SARDH: variants seen among roughly 807,000 people sequenced by gnomAD.
SARDH encodes sarcosine dehydrogenase, mitochondrial.
In SARDH, 95 loss-of-function variants were observed where a neutral mutation model predicts 109.1. The observed-to-expected ratio is 0.87, with a 90% confidence interval of 0.74 to 1.03. The LOEUF (loss-of-function observed/expected upper bound fraction) is 1.03. SARDH is among the 50% of genes least tolerant of loss of function. The pLI, the probability that SARDH is intolerant of heterozygous loss-of-function variation, is 0.00. For synonymous variants in SARDH, 572 were observed against 534.8 expected, an observed-to-expected ratio of 1.07 and a Z score of -0.96; for missense variants, 1,267 against 1,287.8, an observed-to-expected ratio of 0.98 and a Z score of 0.25.
chr9:133,661,213 C>T (rs1165701186), downstream of SARDH, among the ~76,000 whole-genome samples: 2 of 151,686 alleles, frequency 1.3e-5, no homozygotes, highest in East Asian at 2.0e-4. Flanking sequence ...TGGTGGTGCG[C>T]GTTTGTAATC....
chr9:133,738,020 C>G (rs1398908511), intron 1 of SARDH, among the ~76,000 whole-genome samples: 1 of 152,178 alleles, frequency 6.6e-6, no homozygotes, highest in African/African-American at 2.4e-5. Flanking sequence ...GGGGGTCAAG[C>G]GAGGAGAGCG....
At chr9:133,661,503 CAG>C (rs1460352437), downstream of SARDH, among the ~76,000 whole-genome samples, 6 of 151,826 alleles carry the variant, frequency 4.0e-5, no homozygotes, top group South Asian at 1.0e-3. Context: ...GTTTTTGAGA[CAG>C]AGTTTCCCTC....
chr9:133,672,956 G>T (rs1028916022), intron 17 of SARDH, among the ~76,000 whole-genome samples: 1 of 152,240 alleles, frequency 6.6e-6, no homozygotes, highest in African/African-American at 2.4e-5. Flanking sequence ...TGACAGTGCC[G>T]ATTATCGGGT....
At chr9:133,707,072 C>A (rs896541734) in intron 11 of SARDH, among the ~76,000 whole-genome samples, 3 of 152,188 alleles carry the variant, frequency 2.0e-5, no homozygotes, top group Non-Finnish European at 4.4e-5. Flanking sequence ...TAAAAGAGGG[C>A]AGGCTCCCCT....
At chr9:133,719,656 T>C (rs1404395148) in intron 6 of SARDH, among the ~76,000 whole-genome samples, 1 of 111,138 alleles carries the variant, frequency 9.0e-6, no homozygotes, top group African/African-American at 3.5e-5. Flanking sequence ...CAGGAGCAGA[T>C]TGGAGACTCT....
At chr9:133,659,776 A>T (rs1832387954), downstream of SARDH, among the ~76,000 whole-genome samples, 1 of 152,094 alleles carries the variant, frequency 6.6e-6, no homozygotes. Context: ...GTGAAATGCC[A>T]GGCCCCAGCC....
intron 17 of SARDH, among the ~76,000 whole-genome samples, chr9:133,683,122 C>T (rs1830758178): frequency 6.6e-6 from 1 of 152,224 alleles, no homozygotes; most frequent in South Asian, 2.1e-4. Context: ...AGCACCTGGC[C>T]TGGCCTGGCT....
At chr9:133,680,710 C>T (rs566077325) in intron 17 of SARDH, among the ~76,000 whole-genome samples, 1 of 152,354 alleles carries the variant, frequency 6.6e-6, no homozygotes, top group Admixed American at 6.5e-5. Flanking sequence ...CAACTTCAAG[C>T]TCCTGAGGGC....
At chr9:133,667,679 G>A (rs747007905) in intron 19 of SARDH, among the ~76,000 whole-genome samples, 4 of 152,084 alleles carry the variant, frequency 2.6e-5, no homozygotes, top group Non-Finnish European at 5.9e-5. Flanking sequence ...GGGTTATCAC[G>A]GCGGCAGCTA....
intron 13 of SARDH, among the ~76,000 whole-genome samples, chr9:133,699,457 G>A (rs1831403808): frequency 6.6e-6 from 1 of 151,866 alleles, no homozygotes. Context: ...AGTGAGCCGA[G>A]ATCACACCAT....
intron 17 of SARDH, among the ~76,000 whole-genome samples, chr9:133,673,496 G>A (rs1299124786): frequency 1.3e-5 from 2 of 152,242 alleles, no homozygotes; most frequent in Non-Finnish European, 2.9e-5. Flanking sequence ...GGCAGAGGCC[G>A]CTCTCCCAAC....
rs753275981 is a variant in SARDH at position 133,718,637 on chromosome 9, A to T, written c.1020+301T>A. 1 of 777,018 alleles carries T rather than the reference A, an allele frequency of 1.3e-6. No homozygotes were observed. Among genetic ancestry groups the T allele is most frequent in the Non-Finnish European group, 2.4e-6 (1 of 416,744 alleles). The allele number at this position is 777,018 out of a possible 1,614,324, so 48.1% of individuals were successfully genotyped here. A position where few individuals can be genotyped will look rare whatever the true frequency, so the allele number is the denominator to read the frequency against. On this transcript the variant is annotated intron_variant, in intron 7 of 20. Coordinates refer to ENST00000439388, the MANE Select transcript of SARDH (RefSeq NM_001134707.2). This position sits in a 1 kb window ranked among gnomAD's most constrained non-coding sequence, Gnocchi z 4.2. ...TTGGGAGGGCAGTGTCATTTGCTGA[A>T]GGACGTAGGACTTGTGTGCTCTCAT... is the stretch of plus-strand genomic sequence containing the variant.
At chr9:133,685,327 C>T (rs769037548) in intron 16 of SARDH, 41 bp from the exon 17 acceptor site, 7 of 1,574,210 alleles carry the variant, frequency 4.4e-6, no homozygotes, top group South Asian at 1.1e-5. Flanking sequence ...CAAGTGCTCA[C>T]GGGTGGGGCC....
In SARDH at chr9:133,733,904, C is replaced by A; in HGVS notation, c.270G>T (p.Met90Ile). Residue 90 changes from methionine (M) to isoleucine (I), a missense_variant, in exon 2 of 21, where the codon ATG becomes ATT. Met to Ile is a conservative substitution (Grantham distance 10). Coordinates refer to ENST00000439388, the MANE Select transcript of SARDH (RefSeq NM_001134707.2). ...CCCGCTCCAGCAGCACCGCCCCACT[C>A]ATGCCCAGCTTGGCCAGGTGGTACA... ...QTLYHLAKLG[M>I]SGAVLLERER... 1 of 1,547,880 alleles carries A rather than the reference C, an allele frequency of 6.5e-7. No homozygotes were observed. The highest frequency in any genetic ancestry group is 8.7e-7 in the Non-Finnish European group (1 of 1,146,526).
At chr9:133,724,721 A>AT (rs35211200) in intron 6 of SARDH, among the ~76,000 whole-genome samples, 43,564 of 150,694 alleles carry the variant, frequency 0.29, 6,831 homozygotes, top group East Asian at 0.42. Flanking sequence ...CACATTTTTA[A>AT]TTTTTTTTTT....
downstream of SARDH, among the ~76,000 whole-genome samples, chr9:133,662,394 G>T (rs1417813827): frequency 1.3e-5 from 2 of 152,082 alleles, no homozygotes; most frequent in Non-Finnish European, 2.9e-5. This position sits in a 1 kb window ranked among gnomAD's most constrained non-coding sequence, Gnocchi z 5.1. Flanking sequence ...AGCAGGCCAG[G>T]CCATCTGGGG....
chr9:133,698,879 A>G (rs979011736), intron 13 of SARDH, among the ~76,000 whole-genome samples: 2 of 152,248 alleles, frequency 1.3e-5, no homozygotes, highest in Non-Finnish European at 2.9e-5. Context: ...GACACCAAAA[A>G]CACAAGCAAC....
intron 17 of SARDH, among the ~76,000 whole-genome samples, chr9:133,678,672 T>G (rs528643789): frequency 6.6e-6 from 1 of 152,240 alleles, no homozygotes; most frequent in South Asian, 2.1e-4. Flanking sequence ...CTCGCCAGCC[T>G]CCCCACAGTC....
At position 133,717,460 on chromosome 9, in the gene SARDH, C is replaced by T; in HGVS notation, c.1021-5G>A. On this transcript the variant is annotated splice_region_variant and splice_polypyrimidine_tract_variant and intron_variant, in intron 7 of 20. Coordinates refer to ENST00000439388, the MANE Select transcript of SARDH (RefSeq NM_001134707.2). Reference sequence around the variant, plus strand: ...GAAGGCAAACTTGTCTGACACCTGCCAAGGCAGGGCAGGGGAACATCTCCG... The same window carrying T: ...GAAGGCAAACTTGTCTGACACCTGCTAAGGCAGGGCAGGGGAACATCTCCG... 6.2e-7 allele frequency: 1 copy of T among 1,614,028 alleles called. No homozygotes were observed. The highest frequency in any genetic ancestry group is 1.1e-5 in the South Asian group (1 of 91,064).
Sources: allele counts gnomAD v4.1 joint callset (sites outside exome capture counted in the v4.1 genomes callset), GRCh38; gene constraint gnomAD v4.1.1; non-coding constraint Gnocchi (gnomAD v3.1); transcripts MANE v1.5; gene names NCBI Gene and HGNC (gene_info 2026-07-23, HGNC 2026-07-21).